ADA2: variants seen among roughly 807,000 people sequenced by gnomAD.
ADA2 encodes the protein adenosine deaminase CECR1.
ADA2 carries 29 observed loss-of-function variants against 44.2 expected under a neutral mutation model. The observed-to-expected ratio is 0.66, with a 90% confidence interval of 0.49 to 0.89. The LOEUF (loss-of-function observed/expected upper bound fraction) is 0.89, where lower values mean the gene tolerates loss of function less well. Ranked by LOEUF, ADA2 falls within the 40% of genes least tolerant of loss-of-function variation. The pLI, the probability that ADA2 is intolerant of heterozygous loss-of-function variation, is 0.00. For synonymous variants in ADA2, 215 were observed against 234.9 expected, an observed-to-expected ratio of 0.92 and a Z score of 0.77; for missense variants, 637 against 644.8, an observed-to-expected ratio of 0.99 and a Z score of 0.13.
At position 17,210,410 on chromosome 22, in the gene ADA2, G is replaced by A. The variant is rs556923434; in HGVS notation, c.-46-687C>T. ...TCTCCATGTTGGTCAGGCTGGTCTC[G>A]AACTCCTGACCTCAGGTGATCCGCC... On this transcript the variant is annotated intron_variant, in intron 1 of 9. Transcript: ENST00000399837. Among the ~76,000 whole-genome samples, 58 of 151,212 alleles carry A rather than the reference G, an allele frequency of 3.8e-4. No homozygotes were observed. In the South Asian group the frequency reaches 0.012, roughly 30 times the overall value.
chr22:17,181,482 C>T lies in ADA2; in HGVS notation c.*1G>A, dbSNP rs764545055. On this transcript the variant is annotated 3_prime_UTR_variant, in exon 10 of 10. Transcript: ENST00000399837. ...CTTGTAGAGGGCTGGCTAGCTTCTC[C>T]TCACTTTGTAGCCACATCTGCTATG... 9 of 1,604,122 alleles carry T rather than the reference C, an allele frequency of 5.6e-6. No homozygotes were observed. Among genetic ancestry groups the T allele is most frequent in the African/African-American group, 1.3e-5 (1 of 74,848 alleles).
At chr22:17,192,660 C>G (rs2062133358) in intron 4 of ADA2, among the ~76,000 whole-genome samples, 1 of 152,078 alleles carries the variant, frequency 6.6e-6, no homozygotes, top group African/African-American at 2.4e-5. Context: ...AAACCCCCAT[C>G]TCTACCAAAA....
intron 4 of ADA2, among the ~76,000 whole-genome samples, chr22:17,195,801 C>A (rs1161699899): frequency 6.7e-6 from 1 of 148,722 alleles, no homozygotes; most frequent in Non-Finnish European, 1.5e-5. Flanking sequence ...CGCTCTGTCA[C>A]CCAGGCTGGA....
At chr22:17,200,749 G>T (rs1195215195) in intron 4 of ADA2, among the ~76,000 whole-genome samples, 1 of 151,992 alleles carries the variant, frequency 6.6e-6, no homozygotes, top group Non-Finnish European at 1.5e-5. Flanking sequence ...GGGTGTGGTG[G>T]TGCACGCCTG....
chr22:17,195,955 G>C lies in ADA2; in HGVS notation c.754-4145C>G, dbSNP rs554170251. 1.3e-4 allele frequency among the ~76,000 whole-genome samples: 19 copies of C among 151,912 alleles called. No individual in the cohort carries two copies. In the South Asian group the frequency reaches 3.5e-3, roughly 28 times the overall value. Reference sequence around the variant, plus strand: ...GTAGAGACGGGGTTTCGCCATGCTGGTCAGGCTGGTCTTGAACTCCTGACC... The same window carrying C: ...GTAGAGACGGGGTTTCGCCATGCTGCTCAGGCTGGTCTTGAACTCCTGACC... On this transcript the variant is annotated intron_variant, in intron 4 of 9. Coordinates refer to ENST00000399837, the MANE Select transcript of ADA2 (RefSeq NM_001282225.2).
At chr22:17,218,137 A>C (rs561468247) in intron 1 of ADA2, among the ~76,000 whole-genome samples, 1 of 152,336 alleles carries the variant, frequency 6.6e-6, no homozygotes. Context: ...ATTTTAAAAC[A>C]TGTATTAGCA....
At chr22:17,199,427 C>CTCCTCTATCCTCTTCCCCTCCCTCCCG in intron 4 of ADA2, 1 of 991,242 alleles carries the variant, frequency 1.0e-6, no homozygotes, top group Non-Finnish European at 1.6e-6. Context: ...CCTCCCTCCC[C>CTCCTCTATCCTCTTCCCCTCCCTCCCG]TCCTCTATCC....
intron 5 of ADA2, among the ~76,000 whole-genome samples, 185 bp from the exon 6 acceptor site, chr22:17,190,217 A>T (rs562935548): frequency 4.6e-5 from 7 of 152,352 alleles, no homozygotes; most frequent in African/African-American, 1.7e-4. Context: ...AGAGATATGT[A>T]GCCCAAATCC....
At position 17,202,279 on chromosome 22, in the gene ADA2, G is replaced by A. The variant is rs369444455; in HGVS notation, c.753+1284C>T. Among the ~76,000 whole-genome samples the A allele has an allele frequency of 4.6e-5, 7 of 152,064 alleles. No individual in the cohort carries two copies. The East Asian group carries it at 9.7e-4, about 21-fold the overall frequency. On this transcript the variant is annotated intron_variant, in intron 4 of 9. Transcript: ENST00000399837. ...CAAGTAGCTAGAAGTACAGGCATGCGCCATCGCGCCCAGCTAATTTTTGTA... is the reference window on the plus strand; with the variant it reads ...CAAGTAGCTAGAAGTACAGGCATGCACCATCGCGCCCAGCTAATTTTTGTA...
chr22:17,191,373 A>G (rs2062112471), intron 5 of ADA2, among the ~76,000 whole-genome samples: 1 of 152,214 alleles, frequency 6.6e-6, no homozygotes, highest in African/African-American at 2.4e-5. Context: ...CAAAACCATT[A>G]TGCTCATAAA....
intron 6 of ADA2, 71 bp from the exon 7 acceptor site, chr22:17,188,518 G>A: frequency 1.1e-6 from 1 of 941,532 alleles, no homozygotes; most frequent in African/African-American, 1.6e-5. Context: ...GCGCCCTGGA[G>A]CCTGTGCACA....
At chr22:17,184,695 A>G (rs1303819897) in intron 7 of ADA2, among the ~76,000 whole-genome samples, 1 of 151,626 alleles carries the variant, frequency 6.6e-6, no homozygotes, top group East Asian at 1.9e-4. Flanking sequence ...TGGGAGGCTG[A>G]GGCAGGAGGA....
chr22:17,209,889 A>G (rs997969596), intron 1 of ADA2, 166 bp from the exon 2 acceptor site: 7 of 402,182 alleles, frequency 1.7e-5, no homozygotes, highest in Middle Eastern at 6.9e-4. Flanking sequence ...GGGTTTCCCA[A>G]TTTTTTTTTT....
intron 3 of ADA2, among the ~76,000 whole-genome samples, chr22:17,206,443 A>G (rs1001050420): frequency 5.3e-5 from 8 of 151,878 alleles, no homozygotes; most frequent in African/African-American, 1.7e-4. Context: ...ACGCCACTAC[A>G]CTCCAACCTG....
At chr22:17,208,720 T>C (rs1232795933) in intron 2 of ADA2, among the ~76,000 whole-genome samples, 1 of 151,868 alleles carries the variant, frequency 6.6e-6, no homozygotes, top group Admixed American at 6.6e-5. Context: ...GGAGAATCAC[T>C]TGAACCTGGG....
chr22:17,195,842 C>T (rs1262020921), intron 4 of ADA2, among the ~76,000 whole-genome samples: 3 of 150,056 alleles, frequency 2.0e-5, no homozygotes, highest in Non-Finnish European at 4.4e-5. Flanking sequence ...CTCACTTTAA[C>T]CTCCACCTCC....
At position 17,198,670 on chromosome 22, in the gene ADA2, C is replaced by CGG. The variant is rs2062224963; in HGVS notation, c.753+4892_753+4893insCC. On this transcript the variant is annotated intron_variant, in intron 4 of 9. Transcript: ENST00000399837. ...AGGTTCTCTGCCACCGACGTGTCTC[C>CGG]CATAAGCTCTCCCCTCCATAAGTGC... The CGG allele has an allele frequency of 2.2e-4, 34 of 152,336 alleles. No individual in the cohort carries two copies. In the South Asian group the frequency reaches 6.0e-3, roughly 27 times the overall value. The allele number at this position is 152,336 out of a possible 1,614,324, so 9.4% of individuals were successfully genotyped here. A position where few individuals can be genotyped will look rare whatever the true frequency, so the allele number is the denominator to read the frequency against.
At chr22:17,207,978 T>C (rs2062373660) in intron 2 of ADA2, among the ~76,000 whole-genome samples, 1 of 152,102 alleles carries the variant, frequency 6.6e-6, no homozygotes, top group Non-Finnish European at 1.5e-5. Flanking sequence ...CTAGGCACAG[T>C]GCATGCTGTC....
chr22:17,219,018 G>A (rs1259640947), intron 1 of ADA2, among the ~76,000 whole-genome samples: 2 of 152,114 alleles, frequency 1.3e-5, no homozygotes, highest in Admixed American at 6.6e-5. Flanking sequence ...TTAGCCGGGC[G>A]TGGTGGTGGG....
Sources: allele counts gnomAD v4.1 joint callset (sites outside exome capture counted in the v4.1 genomes callset), GRCh38; gene constraint gnomAD v4.1.1; transcripts MANE v1.5; gene names NCBI Gene and HGNC (gene_info 2026-07-23, HGNC 2026-07-21).